The following NTRK3 variants were observed in gnomAD, a reference collection of about 807,000 sequenced individuals.
NTRK3 encodes NT-3 growth factor receptor.
Under a neutral mutation model 91.7 loss-of-function variants are expected in NTRK3, and 24 were observed. The ratio of observed to expected loss-of-function variants is 0.26; its 90% CI spans 0.19 to 0.37. The LOEUF is 0.37. Among genes scored for constraint, NTRK3 ranks in the 10% least tolerant of loss-of-function variants. The pLI, the probability that NTRK3 is intolerant of heterozygous loss-of-function variation, is 1.00. For missense variants in NTRK3, 880 were observed against 1,068.9 expected, an observed-to-expected ratio of 0.82 and a Z score of 2.46; for synonymous variants, 483 against 404.0, an observed-to-expected ratio of 1.20 and a Z score of -2.34.
intron 14 of NTRK3, among the ~76,000 whole-genome samples, chr15:87,949,712 C>T (rs1020890188): frequency 9.9e-5 from 15 of 152,190 alleles, no homozygotes; most frequent in South Asian, 2.1e-4. Flanking sequence ...TACCACAGTA[C>T]GCCTGCCCTT....
intron 5 of NTRK3, among the ~76,000 whole-genome samples, chr15:88,172,526 T>A (rs1000669674): frequency 6.6e-6 from 1 of 152,166 alleles, no homozygotes; most frequent in African/African-American, 2.4e-5. Flanking sequence ...TACACTGAGT[T>A]TTTGAAAGGC....
intron 6 of NTRK3, among the ~76,000 whole-genome samples, chr15:88,142,780 A>T (rs1469970177): frequency 6.6e-6 from 1 of 152,220 alleles, no homozygotes; most frequent in Non-Finnish European, 1.5e-5. Flanking sequence ...CTCCCAAAAG[A>T]TATATCCAAG....
At chr15:87,892,110 A>ACACACACG (rs1162093326) in intron 17 of NTRK3, among the ~76,000 whole-genome samples, 26 of 151,446 alleles carry the variant, frequency 1.7e-4, no homozygotes, top group African/African-American at 2.2e-4. Context: ...ACACACACAC[A>ACACACACG]CACGCACGCA....
chr15:88,154,191 C>G (rs1373242631), intron 5 of NTRK3, among the ~76,000 whole-genome samples: 1 of 151,878 alleles, frequency 6.6e-6, no homozygotes, highest in Non-Finnish European at 1.5e-5. Context: ...GCCAGGGAAC[C>G]TACACCTCCT....
chr15:88,005,519 C>T (rs1364505680), intron 14 of NTRK3, among the ~76,000 whole-genome samples: 1 of 152,150 alleles, frequency 6.6e-6, no homozygotes, highest in African/African-American at 2.4e-5. Context: ...CTGATCTTAC[C>T]CTCTGCATGG....
chr15:88,049,468 GGT>G, intron 13 of NTRK3, among the ~76,000 whole-genome samples: 1 of 152,236 alleles, frequency 6.6e-6, no homozygotes, highest in Middle Eastern at 3.4e-3. Flanking sequence ...ACTTCAGAAT[GGT>G]GTGTGTGTTT....
rs1055398087 is a variant in NTRK3, at chr15:87,871,340, G to A, written c.*5595C>T. 2.2e-5 allele frequency: 5 copies of A among 231,378 alleles called. No homozygotes were observed. The Admixed American group carries it at 2.3e-4, about 10-fold the overall frequency. 14.3% of individuals were successfully genotyped at this position (231,378 alleles called of 1,614,324 possible). A position where few individuals can be genotyped will look rare whatever the true frequency, so the allele number is the denominator to read the frequency against. ...TTCAGGGTAGGGCAGCCCATGCTCA[G>A]AGCAAAAGTTCTAATACCCAATGCA... On this transcript the variant is annotated 3_prime_UTR_variant, in exon 19 of 19. Coordinates refer to ENST00000394480, the Ensembl canonical transcript of NTRK3.
chr15:88,104,182 A>C (rs552513369), intron 13 of NTRK3, among the ~76,000 whole-genome samples: 1 of 152,346 alleles, frequency 6.6e-6, no homozygotes, highest in South Asian at 2.1e-4. Flanking sequence ...GGTGGATGAG[A>C]CGTCAGGGAC....
intron 14 of NTRK3, among the ~76,000 whole-genome samples, chr15:87,949,054 G>C (rs983017484): frequency 6.6e-6 from 1 of 152,134 alleles, no homozygotes; most frequent in African/African-American, 2.4e-5. Context: ...AGACCAAGTA[G>C]GTACCCACTA....
At chr15:88,157,722 T>G (rs1349735828) in intron 5 of NTRK3, among the ~76,000 whole-genome samples, 2 of 151,836 alleles carry the variant, frequency 1.3e-5, no homozygotes, top group East Asian at 3.9e-4. Context: ...CCAGGAGGAC[T>G]TGGGAGAGGA....
chr15:88,187,925 C>T (rs1248398929), intron 3 of NTRK3, among the ~76,000 whole-genome samples: 17 of 149,844 alleles, frequency 1.1e-4, no homozygotes, highest in Non-Finnish European at 2.2e-4. Flanking sequence ...CACAATGAGA[C>T]ACTGTCTCAA....
chr15:88,056,204 T>TATATATATA (rs377120482), intron 13 of NTRK3, among the ~76,000 whole-genome samples: 1,813 of 95,046 alleles, frequency 0.019, 34 homozygotes, highest in Non-Finnish European at 0.028. Flanking sequence ...ATATATATAT[T>TATATATATA]TTTTTTTTAA....
At chr15:87,901,145 G>T (rs2066433447) in intron 17 of NTRK3, among the ~76,000 whole-genome samples, 1 of 152,198 alleles carries the variant, frequency 6.6e-6, no homozygotes, top group Non-Finnish European at 1.5e-5. Flanking sequence ...GCCTGCAGCT[G>T]TGGGCTGCTC....
At chr15:88,220,949 TA>T (rs1247526472) in intron 3 of NTRK3, among the ~76,000 whole-genome samples, 1 of 152,206 alleles carries the variant, frequency 6.6e-6, no homozygotes, top group Non-Finnish European at 1.5e-5. Context: ...TTCTTGGGCT[TA>T]ACCCCAGAGT....
At chr15:87,886,582 G>A (rs1276399924) in intron 17 of NTRK3, among the ~76,000 whole-genome samples, 1 of 149,970 alleles carries the variant, frequency 6.7e-6, no homozygotes, top group East Asian at 2.0e-4. Context: ...ATGTAACCTT[G>A]AAAATGCATA....
intron 14 of NTRK3, among the ~76,000 whole-genome samples, chr15:88,017,289 CA>C (rs1210698391): frequency 6.6e-6 from 1 of 152,118 alleles, no homozygotes; most frequent in Admixed American, 6.5e-5. Flanking sequence ...AAGCTCAGCC[CA>C]AGACCAGGAA....
At chr15:88,010,210 T>C (rs1471024230) in intron 14 of NTRK3, among the ~76,000 whole-genome samples, 2 of 152,314 alleles carry the variant, frequency 1.3e-5, no homozygotes, top group Admixed American at 6.5e-5. Flanking sequence ...AGTCTCTGTC[T>C]ACTCCTTCAG....
At chr15:88,162,139 C>T (rs1016090206) in intron 5 of NTRK3, among the ~76,000 whole-genome samples, 3 of 152,186 alleles carry the variant, frequency 2.0e-5, no homozygotes, top group South Asian at 2.1e-4. Flanking sequence ...TACTCTGAAG[C>T]ACCAGCGCCA....
intron 13 of NTRK3, among the ~76,000 whole-genome samples, chr15:88,078,638 A>C (rs1054488234): frequency 2.1e-4 from 32 of 152,328 alleles, no homozygotes; most frequent in African/African-American, 7.7e-4. Flanking sequence ...CAACAGAGTG[A>C]GACTCCATCT....
Sources: allele counts gnomAD v4.1 joint callset (sites outside exome capture counted in the v4.1 genomes callset), GRCh38; gene constraint gnomAD v4.1.1; transcripts MANE v1.5; gene names NCBI Gene and HGNC (gene_info 2026-07-23, HGNC 2026-07-21).